Variants in ATP8A2 observed in about 807,000 individuals in gnomAD.
ATP8A2 encodes the protein phospholipid-transporting ATPase IB.
ATP8A2 carries 100 observed loss-of-function variants against 165.6 expected under a neutral mutation model. The observed-to-expected ratio is 0.60, with a 90% CI of 0.51 to 0.71. The LOEUF is 0.71. Among genes scored for constraint, ATP8A2 ranks in the 30% least tolerant of loss-of-function variants. The pLI, the probability that ATP8A2 is intolerant of heterozygous loss-of-function variation, is 0.00. For synonymous variants in ATP8A2, 543 were observed against 548.8 expected, an observed-to-expected ratio of 0.99 and a Z score of 0.15; for missense variants, 1,227 against 1,479.5, an observed-to-expected ratio of 0.83 and a Z score of 2.80.
At chr13:25,391,609 G>A (rs771715882) in intron 1 of ATP8A2, among the ~76,000 whole-genome samples, 6 of 152,230 alleles carry the variant, frequency 3.9e-5, no homozygotes, top group Non-Finnish European at 7.3e-5. Flanking sequence ...GGGGCAGGAA[G>A]CTCACCTTGC....
chr13:25,535,350 C>T (rs1272164617), intron 6 of ATP8A2, among the ~76,000 whole-genome samples: 3 of 152,178 alleles, frequency 2.0e-5, no homozygotes, highest in South Asian at 2.1e-4. Flanking sequence ...AGGTGGATCT[C>T]AGTGGCTTTG....
At chr13:25,925,842 C>G (rs1385612467) in intron 33 of ATP8A2, among the ~76,000 whole-genome samples, 1 of 151,490 alleles carries the variant, frequency 6.6e-6, no homozygotes, top group Non-Finnish European at 1.5e-5. Flanking sequence ...ATTCTCCTGT[C>G]TCAGCCTCCC....
intron 18 of ATP8A2, among the ~76,000 whole-genome samples, chr13:25,573,139 T>C (rs1021754541): frequency 3.9e-5 from 6 of 152,144 alleles, no homozygotes; most frequent in Non-Finnish European, 8.8e-5. Flanking sequence ...GAGGTCTTTT[T>C]CCCCCCTTCA....
At chr13:25,577,282 A>G in intron 20 of ATP8A2, 144 bp downstream of exon 20, 1 of 722,810 alleles carries the variant, frequency 1.4e-6, no homozygotes, top group Non-Finnish European at 2.4e-6. Context: ...AAGTTGACTT[A>G]GTAGTAAAAG....
chr13:25,746,228 A>G (rs2146576), intron 25 of ATP8A2, among the ~76,000 whole-genome samples: 53,971 of 152,036 alleles, frequency 0.35, 10,012 homozygotes, highest in East Asian at 0.49. Flanking sequence ...CCCACCCCCA[A>G]AAAACTCCCA....
chr13:25,770,434 A>G (rs939465845), intron 26 of ATP8A2, among the ~76,000 whole-genome samples: 29 of 152,116 alleles, frequency 1.9e-4, no homozygotes, highest in African/African-American at 7.0e-4. Context: ...TTGACTCCCT[A>G]TGATTTCTTC....
At chr13:25,643,227 G>T (rs989496872) in intron 24 of ATP8A2, among the ~76,000 whole-genome samples, 2 of 151,976 alleles carry the variant, frequency 1.3e-5, no homozygotes, top group African/African-American at 4.8e-5. Context: ...ATTTAAAAAA[G>T]AATATTGTGA....
intron 1 of ATP8A2, among the ~76,000 whole-genome samples, chr13:25,396,922 T>G (rs2033445763): frequency 6.6e-6 from 1 of 152,138 alleles, no homozygotes; most frequent in Non-Finnish European, 1.5e-5. Flanking sequence ...TACTCACAGA[T>G]AGGCAGCAAG....
chr13:25,534,358 C>T (rs2038211207), intron 6 of ATP8A2: 4 of 392,036 alleles, frequency 1.0e-5, no homozygotes, highest in South Asian at 7.8e-5. Context: ...AGAGATGCTC[C>T]CAATGCTGAA....
chr13:25,404,286 G>A lies in ATP8A2; in HGVS notation c.76+31998G>A, dbSNP rs112356613. On this transcript the variant is annotated intron_variant, in intron 1 of 36. Coordinates refer to ENST00000381655, the MANE Select transcript of ATP8A2 (RefSeq NM_016529.6). ...AAGGTGACCAGAAGCCTGGAGATGTGTGAGAGCTGGGGAGGAGAGCTGGAA... is the reference window on the plus strand; with the variant it reads ...AAGGTGACCAGAAGCCTGGAGATGTATGAGAGCTGGGGAGGAGAGCTGGAA... 2.3e-3 allele frequency among the ~76,000 whole-genome samples: 351 copies of A among 152,308 alleles called. 2 individuals carry two copies. The highest frequency in any genetic ancestry group is 7.6e-3 in the African/African-American group (317 of 41,568).
At chr13:25,692,455 A>G (rs2042746003) in intron 24 of ATP8A2, among the ~76,000 whole-genome samples, 1 of 152,032 alleles carries the variant, frequency 6.6e-6, no homozygotes, top group Non-Finnish European at 1.5e-5. Flanking sequence ...TGCAGATTTC[A>G]GTGGTGCTGG....
At chr13:25,720,844 T>C (rs374341359) in intron 25 of ATP8A2, among the ~76,000 whole-genome samples, 4 of 152,184 alleles carry the variant, frequency 2.6e-5, no homozygotes, top group South Asian at 2.1e-4. Flanking sequence ...TGTCTTATTA[T>C]AGCCTCATAA....
At chr13:25,483,740 GA>G (rs893696389) in intron 2 of ATP8A2, among the ~76,000 whole-genome samples, 1 of 152,188 alleles carries the variant, frequency 6.6e-6, no homozygotes, top group Non-Finnish European at 1.5e-5. Context: ...ATGTCTACAA[GA>G]AAAAAATAAT....
intron 33 of ATP8A2, among the ~76,000 whole-genome samples, chr13:25,899,114 G>T (rs759676325): frequency 7.2e-5 from 11 of 152,218 alleles, no homozygotes; most frequent in Non-Finnish European, 1.5e-4. Context: ...CCCGTCTTCT[G>T]TGTCGCTCAC....
At chr13:25,969,624 A>G (rs1482264404) in intron 35 of ATP8A2, among the ~76,000 whole-genome samples, 10 of 152,270 alleles carry the variant, frequency 6.6e-5, no homozygotes, top group Admixed American at 6.5e-4. Context: ...AAGAGAATGC[A>G]AACATTTTGA....
intron 24 of ATP8A2, among the ~76,000 whole-genome samples, chr13:25,661,372 T>C (rs1052214034): frequency 2.0e-5 from 3 of 152,230 alleles, no homozygotes; most frequent in East Asian, 1.9e-4. Context: ...TGTACCTTTA[T>C]TGATTCCGCT....
rs1204479230 is a variant in ATP8A2 at position 25,750,703 on chromosome 13, C to T, written c.2385-18343C>T. On this transcript the variant is annotated intron_variant, in intron 25 of 36. Coordinates refer to ENST00000381655, the MANE Select transcript of ATP8A2 (RefSeq NM_016529.6). This position sits in a 1 kb window ranked among gnomAD's most constrained non-coding sequence, Gnocchi z 4.3. ...TACCTCATATGTGTAGTTTTGGCAT[C>T]GAGTTTATACGAGCACATGGGCATC... Among the ~76,000 whole-genome samples, 4 of 151,902 alleles carry T rather than the reference C, an allele frequency of 2.6e-5. No homozygotes were observed. The highest frequency in any genetic ancestry group is 2.0e-4 in the Admixed American group (3 of 15,240).
chr13:25,392,658 T>G (rs1415388167), intron 1 of ATP8A2, among the ~76,000 whole-genome samples: 2 of 149,038 alleles, frequency 1.3e-5, no homozygotes, highest in African/African-American at 5.2e-5. Flanking sequence ...CTGTTAAATT[T>G]CTTTGTTTTC....
intron 24 of ATP8A2, among the ~76,000 whole-genome samples, chr13:25,669,822 G>A (rs1185195986): frequency 6.6e-6 from 1 of 152,182 alleles, no homozygotes; most frequent in Non-Finnish European, 1.5e-5. Context: ...ACTGCTGCCT[G>A]AAATGCCACT....
Sources: allele counts gnomAD v4.1 joint callset (sites outside exome capture counted in the v4.1 genomes callset), GRCh38; gene constraint gnomAD v4.1.1; non-coding constraint Gnocchi (gnomAD v3.1); transcripts MANE v1.5; gene names NCBI Gene and HGNC (gene_info 2026-07-23, HGNC 2026-07-21).